SCUBE1: variants seen among roughly 807,000 people sequenced by gnomAD.
SCUBE1 encodes signal peptide, CUB and EGF-like domain-containing protein 1.
A neutral mutation model predicts 124.4 loss-of-function variants in SCUBE1; 59 were observed. The observed-to-expected ratio is 0.47, with a 90% CI of 0.38 to 0.59. The LOEUF is 0.59. Ranked by LOEUF, SCUBE1 falls within the 20% of genes least tolerant of loss-of-function variation. SCUBE1 has a pLI of 0.00. For synonymous variants in SCUBE1, 545 were observed against 550.9 expected (o/e 0.99, Z 0.15); for missense variants, 1,150 against 1,371.2 (o/e 0.84, Z 2.55).
chr22:43,240,755 C>T (rs1569504735), intron 6 of SCUBE1, among the ~76,000 whole-genome samples: 1 of 152,214 alleles, frequency 6.6e-6, no homozygotes. Flanking sequence ...ACTCCTGCCT[C>T]CCACTCCCAA....
At chr22:43,342,188 G>T (rs950097637) in intron 1 of SCUBE1, among the ~76,000 whole-genome samples, 1 of 150,988 alleles carries the variant, frequency 6.6e-6, no homozygotes, top group East Asian at 2.0e-4. Context: ...CTCTGATGAC[G>T]AGGAGGGGAG....
At position 43,258,530 on chromosome 22, in the gene SCUBE1, CT is replaced by C. The variant is rs1923753700; in HGVS notation, c.611-196del. 6.6e-6 allele frequency among the ~76,000 whole-genome samples: 1 copy of C among 152,148 alleles called. No individual in the cohort carries two copies. Among genetic ancestry groups the C allele is most frequent in the Non-Finnish European group, 1.5e-5 (1 of 68,024 alleles). On this transcript the variant is annotated intron_variant, in intron 5 of 21. Coordinates refer to ENST00000360835, the MANE Select transcript of SCUBE1 (RefSeq NM_173050.5). This position sits in a 1 kb window ranked among gnomAD's most constrained non-coding sequence, Gnocchi z 5.0. ...AGCCCCTCCAGGGACCCTGGAGTCA[CT>C]CACTCCCTAGAGCTGAACGGGGGTG...
chr22:43,263,537 C>T (rs1425049731), intron 4 of SCUBE1, among the ~76,000 whole-genome samples: 5 of 152,200 alleles, frequency 3.3e-5, no homozygotes, highest in African/African-American at 7.2e-5. Context: ...AGGCTGCAGA[C>T]GGCGAACACG....
At chr22:43,298,659 C>T (rs77654404) in intron 3 of SCUBE1, among the ~76,000 whole-genome samples, 2,724 of 152,290 alleles carry the variant, frequency 0.018, 92 homozygotes, top group African/African-American at 0.063. Context: ...CAGTGCAGAC[C>T]GCTGGCCAGT....
At chr22:43,284,055 C>T (rs753425596) in intron 4 of SCUBE1, among the ~76,000 whole-genome samples, 6 of 152,220 alleles carry the variant, frequency 3.9e-5, no homozygotes, top group Non-Finnish European at 7.3e-5. Context: ...AGCCCGAGCC[C>T]GCAGGCTCTT....
At chr22:43,253,386 G>A (rs908131428) in intron 6 of SCUBE1, among the ~76,000 whole-genome samples, 1 of 152,148 alleles carries the variant, frequency 6.6e-6, no homozygotes, top group Non-Finnish European at 1.5e-5. Context: ...TTCAGGGGGT[G>A]AGGCCTTGGC....
intron 7 of SCUBE1, among the ~76,000 whole-genome samples, chr22:43,235,827 C>A (rs571619385): frequency 6.6e-6 from 1 of 152,104 alleles, no homozygotes; most frequent in Admixed American, 6.5e-5. Context: ...TTGGAGGGAC[C>A]GATTAGCAAG....
intron 10 of SCUBE1, among the ~76,000 whole-genome samples, chr22:43,224,060 G>A (rs1922210534): frequency 6.6e-6 from 1 of 152,246 alleles, no homozygotes. Flanking sequence ...CCTTACTTAA[G>A]CGACAGCTCA....
At chr22:43,243,246 TG>T (rs1418141417) in intron 6 of SCUBE1, among the ~76,000 whole-genome samples, 1 of 152,204 alleles carries the variant, frequency 6.6e-6, no homozygotes, top group East Asian at 1.9e-4. Flanking sequence ...ATCCTCACCG[TG>T]AGGTCTGCAC....
At chr22:43,262,194 C>T (rs1465650759) in intron 5 of SCUBE1, among the ~76,000 whole-genome samples, 1 of 152,188 alleles carries the variant, frequency 6.6e-6, no homozygotes, top group African/African-American at 2.4e-5. Flanking sequence ...TGGGGTCTTG[C>T]TGTATTGTCC....
At chr22:43,332,841 C>T (rs1926946602) in intron 2 of SCUBE1, among the ~76,000 whole-genome samples, 1 of 152,090 alleles carries the variant, frequency 6.6e-6, no homozygotes, top group African/African-American at 2.4e-5. Flanking sequence ...TTACATGGGT[C>T]CTCACAACCT....
chr22:43,222,884 G>T, intron 11 of SCUBE1, 142 bp from the exon 12 acceptor site: 2 of 939,060 alleles, frequency 2.1e-6, no homozygotes, highest in Admixed American at 4.9e-5. Flanking sequence ...CAACCACAGG[G>T]AAGTGGCCAG....
intron 2 of SCUBE1, among the ~76,000 whole-genome samples, chr22:43,321,252 TAGA>T (rs1279445719): frequency 6.6e-6 from 1 of 152,188 alleles, no homozygotes; most frequent in Non-Finnish European, 1.5e-5. Flanking sequence ...GGCCATCCTG[TAGA>T]AGAAGAGAGC....
At chr22:43,241,258 C>A (rs1040566079) in intron 6 of SCUBE1, among the ~76,000 whole-genome samples, 1 of 152,106 alleles carries the variant, frequency 6.6e-6, no homozygotes, top group Non-Finnish European at 1.5e-5. Flanking sequence ...TCCCTTAGGG[C>A]CCGTTCTTGG....
intron 3 of SCUBE1, among the ~76,000 whole-genome samples, chr22:43,293,363 A>G (rs1925441358): frequency 6.6e-6 from 1 of 152,264 alleles, no homozygotes; most frequent in Non-Finnish European, 1.5e-5. Flanking sequence ...TAGCTTGAGT[A>G]GAGTGACACA....
intron 16 of SCUBE1, 50 bp downstream of exon 16, chr22:43,214,040 A>AGGCGGGGGGGGG: frequency 1.8e-6 from 1 of 567,076 alleles, no homozygotes; most frequent in Non-Finnish European, 2.9e-6. Context: ...AGACAGGAGG[A>AGGCGGGGGGGGG]GCCCCCGCCC....
chr22:43,302,035 C>T (rs1925792049), intron 3 of SCUBE1, among the ~76,000 whole-genome samples: 1 of 152,250 alleles, frequency 6.6e-6, no homozygotes, highest in South Asian at 2.1e-4. Flanking sequence ...CATGTGCTGG[C>T]TACCAGTGGG....
intron 14 of SCUBE1, among the ~76,000 whole-genome samples, chr22:43,218,893 G>A (rs1018436073): frequency 6.6e-6 from 1 of 152,180 alleles, no homozygotes; most frequent in Non-Finnish European, 1.5e-5. Flanking sequence ...ACTCCCTGTG[G>A]ATTCCAATGT....
intron 3 of SCUBE1, among the ~76,000 whole-genome samples, chr22:43,302,602 T>C (rs916194456): frequency 3.3e-5 from 5 of 152,152 alleles, no homozygotes; most frequent in African/African-American, 9.7e-5. Context: ...CCAAGCAGTG[T>C]GCAGCCTGCC....
Sources: allele counts gnomAD v4.1 joint callset (sites outside exome capture counted in the v4.1 genomes callset), GRCh38; gene constraint gnomAD v4.1.1; non-coding constraint Gnocchi (gnomAD v3.1); transcripts MANE v1.5; gene names NCBI Gene and HGNC (gene_info 2026-07-23, HGNC 2026-07-21).